RNF144A: variants seen among roughly 807,000 people sequenced by gnomAD.
The protein encoded by RNF144A is ring finger protein 144A.
A neutral mutation model predicts 38.7 loss-of-function variants in RNF144A; 11 were observed. The observed-to-expected ratio is 0.28, with a 90% CI of 0.18 to 0.47. The LOEUF is 0.47. Among genes scored for constraint, RNF144A ranks in the 20% least tolerant of loss-of-function variants. RNF144A has a pLI of 0.99. For missense variants in RNF144A, 316 were observed against 377.2 expected (o/e 0.84, Z 1.34); for synonymous variants, 149 against 143.9 (o/e 1.04, Z -0.25).
intron 8 of RNF144A, among the ~76,000 whole-genome samples, chr2:7,033,575 ACTT>A (rs746963299): frequency 6.6e-6 from 1 of 150,820 alleles, no homozygotes; most frequent in African/African-American, 2.4e-5. Flanking sequence ...CTCTTCCTCT[ACTT>A]CTCCTGTTCC....
intron 1 of RNF144A, among the ~76,000 whole-genome samples, chr2:6,936,398 CAT>C (rs954826219): frequency 4.6e-5 from 7 of 152,074 alleles, no homozygotes; most frequent in African/African-American, 7.2e-5. Flanking sequence ...TCTATAGATG[CAT>C]GTGTGTGTGT....
chr2:6,954,798 T>C (rs1462562626), intron 2 of RNF144A, among the ~76,000 whole-genome samples: 1 of 152,240 alleles, frequency 6.6e-6, no homozygotes, highest in Non-Finnish European at 1.5e-5. Context: ...TCCAGGGCCA[T>C]GTGACACACT....
At chr2:7,054,523 T>C (rs1024903853) in intron 6 of RNF144A, among the ~76,000 whole-genome samples, 2 of 152,186 alleles carry the variant, frequency 1.3e-5, no homozygotes, top group African/African-American at 2.4e-5. Flanking sequence ...GCAAATCCAA[T>C]CTGTTGCCAA....
chr2:6,948,931 C>T (rs1031599065), intron 2 of RNF144A, among the ~76,000 whole-genome samples: 3 of 152,120 alleles, frequency 2.0e-5, no homozygotes, highest in Non-Finnish European at 4.4e-5. Flanking sequence ...TTTGCAGAGA[C>T]TAGGAACATG....
intron 2 of RNF144A, among the ~76,000 whole-genome samples, chr2:6,986,473 T>A (rs1212763390): frequency 6.6e-6 from 1 of 152,102 alleles, no homozygotes; most frequent in Non-Finnish European, 1.5e-5. Context: ...CAGAGGCCTG[T>A]TCCTAAGCCA....
Position 6,958,682 on chromosome 2 carries a change from G to A in RNF144A, c.-12+17535G>A, listed in dbSNP as rs1054805037. Among the ~76,000 whole-genome samples the A allele has an allele frequency of 2.0e-5, 3 of 152,156 alleles. No homozygotes were observed. Among genetic ancestry groups the A allele is most frequent in the South Asian group, 2.1e-4 (1 of 4,828 alleles). On this transcript the variant is annotated intron_variant, in intron 2 of 8. Transcript: ENST00000320892. This position sits in a 1 kb window ranked among gnomAD's most constrained non-coding sequence, Gnocchi z 4.5. ...TTCATGATTCTGGGGGACTGTCCAC[G>A]TGACCGTAATCTATTTCCCAGAGGG...
chr2:7,073,266 C>T (rs977763675), downstream of RNF144A, among the ~76,000 whole-genome samples: 6 of 152,176 alleles, frequency 3.9e-5, no homozygotes, highest in African/African-American at 1.4e-4. Context: ...CCTCACCCCA[C>T]GTTTGGCTGT....
chr2:6,970,022 AGT>A (rs1667904595), intron 2 of RNF144A, among the ~76,000 whole-genome samples: 2 of 152,190 alleles, frequency 1.3e-5, no homozygotes, highest in African/African-American at 2.4e-5. Flanking sequence ...AGCCTCCCAA[AGT>A]GCTGGGATTA....
chr2:7,024,755 A>T (rs1352204983), intron 7 of RNF144A, among the ~76,000 whole-genome samples: 4 of 152,188 alleles, frequency 2.6e-5, no homozygotes, highest in Admixed American at 2.6e-4. Flanking sequence ...CAGGTTCAGG[A>T]TCCAGCCTGG....
At chr2:6,956,904 G>T (rs558920324) in intron 2 of RNF144A, among the ~76,000 whole-genome samples, 3 of 152,330 alleles carry the variant, frequency 2.0e-5, no homozygotes, top group African/African-American at 7.2e-5. Flanking sequence ...AGAAAATCAT[G>T]TGAAAATGAC....
intron 2 of RNF144A, among the ~76,000 whole-genome samples, chr2:6,987,759 C>G (rs905674912): frequency 4.6e-5 from 7 of 152,306 alleles, no homozygotes; most frequent in African/African-American, 1.7e-4. Flanking sequence ...TCCTCTGGCC[C>G]CTGGGTTCTT....
chr2:7,057,415 AGTCCCTT>A (rs1673783208), intron 6 of RNF144A, among the ~76,000 whole-genome samples: 1 of 152,188 alleles, frequency 6.6e-6, no homozygotes, highest in Admixed American at 6.5e-5. Context: ...GAAATTGGGG[AGTCCCTT>A]GGCAAGGGTG....
chr2:6,950,317 C>T (rs769510146), intron 2 of RNF144A, among the ~76,000 whole-genome samples: 49 of 152,184 alleles, frequency 3.2e-4, no homozygotes, highest in Admixed American at 5.9e-4. Context: ...TATAGGTAGA[C>T]TTGCTCACTC....
intron 1 of RNF144A, among the ~76,000 whole-genome samples, chr2:6,921,152 TGAG>T (rs1173998369): frequency 6.6e-6 from 1 of 152,224 alleles, no homozygotes; most frequent in Non-Finnish European, 1.5e-5. Context: ...AATGAAGCTT[TGAG>T]GAGGGTGGCT....
chr2:6,924,527 C>T (rs1032360086), intron 1 of RNF144A, among the ~76,000 whole-genome samples: 1 of 151,910 alleles, frequency 6.6e-6, no homozygotes, highest in Admixed American at 6.6e-5. Context: ...TCTGAGCTGT[C>T]CCAGAGCAGG....
chr2:7,040,339 T>C lies in RNF144A; in HGVS notation c.*579T>C, dbSNP rs1572465400. ...TTGAAATGTGCATTTTAAGAAGTTA[T>C]AGTTAAACGACTTTTCAGGAGATTT... is the stretch of plus-strand genomic sequence containing the variant. On this transcript the variant is annotated 3_prime_UTR_variant, in exon 9 of 9. Coordinates refer to ENST00000320892, the MANE Select transcript of RNF144A (RefSeq NM_014746.6). The C allele has an allele frequency of 1.0e-6, 1 of 985,550 alleles. No individual in the cohort carries two copies. Among genetic ancestry groups the C allele is most frequent in the Non-Finnish European group, 1.2e-6 (1 of 830,016 alleles). The allele number at this position is 985,550 out of a possible 1,614,324, so 61.1% of individuals were successfully genotyped here.
At chr2:6,969,417 A>T (rs1386481105) in intron 2 of RNF144A, among the ~76,000 whole-genome samples, 2 of 152,150 alleles carry the variant, frequency 1.3e-5, no homozygotes, top group East Asian at 3.9e-4. Flanking sequence ...CCGACAAGCC[A>T]GGGAGAGGGG....
intron 2 of RNF144A, among the ~76,000 whole-genome samples, chr2:6,955,261 T>C (rs1666928936): frequency 6.6e-6 from 1 of 152,244 alleles, no homozygotes; most frequent in Non-Finnish European, 1.5e-5. Context: ...GGAAGTCTTA[T>C]GGAAGCCTAA....
chr2:7,053,464 A>G (rs1240956846), intron 6 of RNF144A, among the ~76,000 whole-genome samples: 1 of 152,200 alleles, frequency 6.6e-6, no homozygotes, highest in Non-Finnish European at 1.5e-5. Flanking sequence ...TGGAGGCTCA[A>G]TGGGGGAATT....
Sources: gnomAD v4.1 joint callset for allele counts (sites outside exome capture counted in the v4.1 genomes callset) on GRCh38, gnomAD v4.1.1 for gene constraint, Gnocchi (gnomAD v3.1) non-coding constraint, MANE v1.5 for transcripts, NCBI Gene and HGNC (gene_info 2026-07-23, HGNC 2026-07-21) for gene names.